PCDH9: variants seen among roughly 807,000 people sequenced by gnomAD.
PCDH9 encodes the protein protocadherin 9, also known as protocadherin-9.
A neutral mutation model predicts 70.6 loss-of-function variants in PCDH9; 24 were observed. The observed-to-expected ratio is 0.34, with a 90% CI of 0.25 to 0.48. The LOEUF (loss-of-function observed/expected upper bound fraction) is 0.48, where lower values mean the gene tolerates loss of function less well. Among genes scored for constraint, PCDH9 ranks in the 20% least tolerant of loss-of-function variants. The pLI is 0.99. For missense variants in PCDH9, 1,281 were observed against 1,503.6 expected, an observed-to-expected ratio of 0.85 and a Z score of 2.45; for synonymous variants, 562 against 558.5, an observed-to-expected ratio of 1.01 and a Z score of -0.09.
intron 2 of PCDH9, among the ~76,000 whole-genome samples, chr13:67,045,299 C>T (rs781366314): frequency 6.6e-6 from 1 of 152,052 alleles, no homozygotes; most frequent in Non-Finnish European, 1.5e-5. Flanking sequence ...CTTTACCATC[C>T]CTTACATAAA....
At chr13:66,557,383 T>C (rs1961782350) in intron 4 of PCDH9, among the ~76,000 whole-genome samples, 2 of 152,206 alleles carry the variant, frequency 1.3e-5, no homozygotes, top group South Asian at 4.2e-4. Flanking sequence ...ATATATTCAC[T>C]GAGACTTTAA....
intron 3 of PCDH9, among the ~76,000 whole-genome samples, chr13:66,670,306 A>G (rs898820300): frequency 6.6e-6 from 1 of 152,190 alleles, no homozygotes; most frequent in African/African-American, 2.4e-5. Context: ...TGGTCTAAGT[A>G]ATCAGTACTT....
intron 2 of PCDH9, among the ~76,000 whole-genome samples, chr13:66,975,588 T>C (rs1273929580): frequency 6.6e-6 from 1 of 151,998 alleles, no homozygotes; most frequent in African/African-American, 2.4e-5. Flanking sequence ...TGCTAAACAT[T>C]TTTTAGAGCA....
At chr13:66,783,607 T>C (rs574747381) in intron 3 of PCDH9, among the ~76,000 whole-genome samples, 1 of 152,326 alleles carries the variant, frequency 6.6e-6, no homozygotes, top group African/African-American at 2.4e-5. Flanking sequence ...TTAATGGTTA[T>C]TATTTTAAGT....
chr13:66,750,998 T>G (rs764585382), intron 3 of PCDH9, among the ~76,000 whole-genome samples: 37 of 152,182 alleles, frequency 2.4e-4, no homozygotes, highest in Non-Finnish European at 3.2e-4. Context: ...CGGGCCATTT[T>G]AATTTGTATT....
chr13:66,688,024 T>C (rs1407355265), intron 3 of PCDH9, among the ~76,000 whole-genome samples: 2 of 152,078 alleles, frequency 1.3e-5, no homozygotes, highest in African/African-American at 4.8e-5. Context: ...TGTCTGTACT[T>C]TTCAATATTA....
At chr13:66,687,383 T>C (rs2078419266) in intron 3 of PCDH9, among the ~76,000 whole-genome samples, 1 of 152,164 alleles carries the variant, frequency 6.6e-6, no homozygotes, top group Non-Finnish European at 1.5e-5. Context: ...TTTGTTTCAG[T>C]TTGTGTCACA....
chr13:66,538,317 T>C (rs1397269033), intron 4 of PCDH9, among the ~76,000 whole-genome samples: 4 of 152,170 alleles, frequency 2.6e-5, no homozygotes, highest in Admixed American at 6.6e-5. Context: ...TTCAATACCT[T>C]TTTATAGACA....
intron 4 of PCDH9, among the ~76,000 whole-genome samples, chr13:66,414,615 G>T (rs550640850): frequency 1.3e-5 from 2 of 152,158 alleles, no homozygotes; most frequent in African/African-American, 4.8e-5. Context: ...AGGAGTTAAA[G>T]AATTTTAAAG....
At chr13:66,677,620 T>C (rs1173347826) in intron 3 of PCDH9, among the ~76,000 whole-genome samples, 1 of 152,066 alleles carries the variant, frequency 6.6e-6, no homozygotes, top group Non-Finnish European at 1.5e-5. Context: ...CCCCATGCTC[T>C]TTCTCTCTAC....
intron 3 of PCDH9, among the ~76,000 whole-genome samples, chr13:66,653,743 G>A (rs1194610880): frequency 6.6e-6 from 1 of 151,944 alleles, no homozygotes; most frequent in Non-Finnish European, 1.5e-5. Context: ...CGAGGTTGGC[G>A]GATCATGAGG....
chr13:66,599,813 G>T (rs185830979), intron 4 of PCDH9, among the ~76,000 whole-genome samples: 49 of 151,888 alleles, frequency 3.2e-4, no homozygotes, highest in African/African-American at 1.1e-3. Context: ...ATATCTACTA[G>T]AGGAAAGTAA....
At chr13:66,465,565 A>G (rs1374133200) in intron 4 of PCDH9, among the ~76,000 whole-genome samples, 2 of 151,880 alleles carry the variant, frequency 1.3e-5, no homozygotes, top group Non-Finnish European at 2.9e-5. Flanking sequence ...TTCACATCAA[A>G]TTTCTCATGC....
At chr13:66,623,441 CTTTTTT>C (rs372825097) in intron 4 of PCDH9, among the ~76,000 whole-genome samples, 1 of 148,716 alleles carries the variant, frequency 6.7e-6, no homozygotes, top group African/African-American at 2.5e-5. Flanking sequence ...TTTTCTTTTT[CTTTTTT>C]TTTTGTTAAG....
rs191660803 is a variant in PCDH9, at chr13:66,457,091, A to T, written c.3341-152063T>A. 3.9e-5 allele frequency among the ~76,000 whole-genome samples: 6 copies of T among 152,226 alleles called. No individual in the cohort carries two copies. The East Asian group carries it at 9.7e-4, about 25-fold the overall frequency. ...GAATTAAGTCTGCGTACTTGTGCCT[A>T]TAAGGGAGGTATTGCAATCTCAATA... On this transcript the variant is annotated intron_variant, in intron 4 of 4. Transcript: ENST00000377865.
At chr13:66,563,118 T>C (rs1246360877) in intron 4 of PCDH9, among the ~76,000 whole-genome samples, 1 of 152,168 alleles carries the variant, frequency 6.6e-6, no homozygotes, top group Non-Finnish European at 1.5e-5. Flanking sequence ...CATGTTGTCT[T>C]GACTTTGTTG....
intron 3 of PCDH9, among the ~76,000 whole-genome samples, chr13:66,860,781 G>T (rs1594165312): frequency 6.6e-6 from 1 of 152,302 alleles, no homozygotes; most frequent in South Asian, 2.1e-4. Flanking sequence ...CGAAACAGAG[G>T]TCTAACTCTT....
intron 3 of PCDH9, among the ~76,000 whole-genome samples, chr13:66,674,647 T>C (rs1345289553): frequency 6.6e-6 from 1 of 152,082 alleles, no homozygotes; most frequent in East Asian, 1.9e-4. Flanking sequence ...CCATAAAAAT[T>C]ACAACAAAGA....
intron 2 of PCDH9, among the ~76,000 whole-genome samples, chr13:67,123,135 C>T (rs1322683026): frequency 6.6e-6 from 1 of 152,154 alleles, no homozygotes; most frequent in Non-Finnish European, 1.5e-5. Context: ...ACTAACCCTT[C>T]TAGGCATGTT....
Sources: gnomAD v4.1 joint callset for allele counts (sites outside exome capture counted in the v4.1 genomes callset) on GRCh38, gnomAD v4.1.1 for gene constraint, MANE v1.5 for transcripts, NCBI Gene and HGNC (gene_info 2026-07-23, HGNC 2026-07-21) for gene names.